The following VPS13B variants were observed in gnomAD, a reference collection of about 807,000 sequenced individuals.
VPS13B encodes intermembrane lipid transfer protein VPS13B.
Under a neutral mutation model 426.4 loss-of-function variants are expected in VPS13B, and 285 were observed. The observed-to-expected ratio is 0.67, with a 90% CI of 0.61 to 0.74. The LOEUF (loss-of-function observed/expected upper bound fraction) is 0.74, where lower values mean the gene tolerates loss of function less well. Ranked by LOEUF, VPS13B falls within the 30% of genes least tolerant of loss-of-function variation. VPS13B has a pLI of 0.00. For synonymous variants in VPS13B, 1,676 were observed against 1,676.4 expected, an observed-to-expected ratio of 1.00 and a Z score of 0.01; for missense variants, 4,537 against 4,782.6, an observed-to-expected ratio of 0.95 and a Z score of 1.51.
intron 17 of VPS13B, among the ~76,000 whole-genome samples, chr8:99,264,154 A>G (rs1407517201): frequency 6.6e-6 from 1 of 151,578 alleles, no homozygotes; most frequent in Non-Finnish European, 1.5e-5. Flanking sequence ...TGACATAAAC[A>G]TATCTTCTCT....
chr8:99,579,590 G>T (rs764063312), intron 33 of VPS13B, among the ~76,000 whole-genome samples: 2 of 151,322 alleles, frequency 1.3e-5, no homozygotes, highest in Non-Finnish European at 2.9e-5. Flanking sequence ...AGTAGAGACG[G>T]GGTTTCACCA....
chr8:99,068,904 A>G (rs1385408719), intron 3 of VPS13B, among the ~76,000 whole-genome samples: 1 of 152,202 alleles, frequency 6.6e-6, no homozygotes, highest in Non-Finnish European at 1.5e-5. Flanking sequence ...TTATTTTGAT[A>G]AAGCCTAAAT....
chr8:99,228,787 GC>G (rs926986512), intron 17 of VPS13B, among the ~76,000 whole-genome samples: 3 of 152,128 alleles, frequency 2.0e-5, no homozygotes, highest in Admixed American at 2.0e-4. Context: ...AGATATATAA[GC>G]ACGTAATTAT....
rs372190222 is a variant in VPS13B at position 99,190,317 on chromosome 8, T to C, written c.2334-2559T>C. Among the ~76,000 whole-genome samples, 3 of 151,980 alleles carry C rather than the reference T, an allele frequency of 2.0e-5. No individual in the cohort carries two copies. In the East Asian group the frequency reaches 5.8e-4, roughly 29 times the overall value. On this transcript the variant is annotated intron_variant, in intron 16 of 61. Coordinates refer to ENST00000357162, the MANE Select transcript of VPS13B (RefSeq NM_152564.5). ...CTTAATTTTTAACCTATCTACTTTA[T>C]TATTTAAAGTGGATATATATGGGTC...
At chr8:99,301,526 G>A (rs1820366755) in intron 19 of VPS13B, among the ~76,000 whole-genome samples, 1 of 151,930 alleles carries the variant, frequency 6.6e-6, no homozygotes, top group African/African-American at 2.4e-5. Context: ...CTGACCTCAG[G>A]TGATCTGCCT....
chr8:99,850,450 AG>A (rs770657293), intron 55 of VPS13B, among the ~76,000 whole-genome samples: 1 of 152,056 alleles, frequency 6.6e-6, no homozygotes, highest in Non-Finnish European at 1.5e-5. Context: ...AAGACTGAAA[AG>A]AAAAAAACTC....
At chr8:99,068,722 A>G (rs1844685373) in intron 3 of VPS13B, among the ~76,000 whole-genome samples, 1 of 152,048 alleles carries the variant, frequency 6.6e-6, no homozygotes, top group Admixed American at 6.6e-5. Context: ...GGGTGGGGGG[A>G]ATGCCACACT....
chr8:99,709,079 A>C (rs1230021168), intron 36 of VPS13B, among the ~76,000 whole-genome samples: 1 of 152,206 alleles, frequency 6.6e-6, no homozygotes, highest in African/African-American at 2.4e-5. Flanking sequence ...CTTTACAGAC[A>C]ATACTTACAA....
intron 39 of VPS13B, among the ~76,000 whole-genome samples, chr8:99,728,030 A>C (rs16892266): frequency 0.02 from 2,984 of 152,312 alleles, 107 homozygotes; most frequent in African/African-American, 0.068. Context: ...TACATGGAGA[A>C]AGTATATCAT....
At chr8:99,265,279 G>A (rs1818239057) in intron 17 of VPS13B, among the ~76,000 whole-genome samples, 1 of 152,116 alleles carries the variant, frequency 6.6e-6, no homozygotes. Context: ...AAACCTCTGT[G>A]TGAGGTTGGA....
chr8:99,328,942 C>T (rs920630327), intron 19 of VPS13B, among the ~76,000 whole-genome samples: 23 of 152,072 alleles, frequency 1.5e-4, no homozygotes, highest in Non-Finnish European at 8.8e-5. Context: ...CTCCACAATG[C>T]ATTCTGTTTG....
intron 30 of VPS13B, among the ~76,000 whole-genome samples, chr8:99,530,629 A>AC (rs1266016895): frequency 6.6e-6 from 1 of 151,826 alleles, no homozygotes. Flanking sequence ...AAAAAAAAAA[A>AC]ATAGTAGCAG....
At chr8:99,797,100 G>C (rs1483888823) in intron 43 of VPS13B, 1 of 152,186 alleles carries the variant, frequency 6.6e-6, no homozygotes, top group Non-Finnish European at 1.5e-5. Flanking sequence ...AGATGGACAT[G>C]AATATGGTTG....
intron 17 of VPS13B, among the ~76,000 whole-genome samples, chr8:99,205,992 T>G (rs1814694866): frequency 6.6e-6 from 1 of 152,150 alleles, no homozygotes; most frequent in Non-Finnish European, 1.5e-5. Context: ...AAAGCAGAGA[T>G]TAAAATTTGA....
chr8:99,083,207 T>C (rs1041419538), intron 3 of VPS13B, among the ~76,000 whole-genome samples: 6 of 152,252 alleles, frequency 3.9e-5, no homozygotes, highest in African/African-American at 1.4e-4. Flanking sequence ...CCTAGGTATT[T>C]TATTCCTTTG....
rs1473036516 is a variant in VPS13B at position 99,871,668 on chromosome 8, A to G, written c.11716A>G (p.Lys3906Glu). 6.2e-7 allele frequency: 1 copy of G among 1,613,732 alleles called. No individual in the cohort carries two copies. Among genetic ancestry groups the G allele is most frequent in the East Asian group, 2.2e-5 (1 of 44,870 alleles). Residue 3906 changes from lysine to glutamate, a missense_variant, in exon 61 of 62, where the codon AAG becomes GAG. Coordinates refer to ENST00000357162, the MANE Select transcript of VPS13B (RefSeq NM_152564.5). Reference sequence around the variant, plus strand: ...GAACAACTTACTCACAGTGCAGCTCAAGCAGCCAAGAGTGGCCTGTGATGT... The same window carrying G: ...GAACAACTTACTCACAGTGCAGCTCGAGCAGCCAAGAGTGGCCTGTGATGT... Reference protein sequence around the residue: ...KQNNLLTVQLKQPRVACDVEV... With the variant: ...KQNNLLTVQLEQPRVACDVEV...
chr8:99,134,011 C>T (rs183207277), intron 8 of VPS13B, among the ~76,000 whole-genome samples: 237 of 152,210 alleles, frequency 1.6e-3, no homozygotes, highest in African/African-American at 5.3e-3. Flanking sequence ...GCAATATCTG[C>T]GAAGTGAAAT....
chr8:99,170,335 ATC>A (rs1812257176), intron 16 of VPS13B, among the ~76,000 whole-genome samples, 172 bp downstream of exon 16: 1 of 152,006 alleles, frequency 6.6e-6, no homozygotes, highest in South Asian at 2.1e-4. Context: ...AGTTTCTGAA[ATC>A]TGTTAGTTCA....
At chr8:99,849,356 T>C (rs1430497409) in intron 55 of VPS13B, among the ~76,000 whole-genome samples, 1 of 152,162 alleles carries the variant, frequency 6.6e-6, no homozygotes, top group African/African-American at 2.4e-5. Flanking sequence ...ATATCCTTAA[T>C]TTAAAAGAAT....
Sources: allele counts gnomAD v4.1 joint callset (sites outside exome capture counted in the v4.1 genomes callset), GRCh38; gene constraint gnomAD v4.1.1; transcripts MANE v1.5; gene names NCBI Gene and HGNC (gene_info 2026-07-23, HGNC 2026-07-21).